Variants in BNIP3L observed in about 807,000 individuals in gnomAD.
BNIP3L encodes BCL2/adenovirus E1B 19 kDa protein-interacting protein 3-like.
A neutral mutation model predicts 25.5 loss-of-function variants in BNIP3L; 10 were observed. The ratio of observed to expected loss-of-function variants is 0.39; its 90% CI spans 0.24 to 0.67. The LOEUF (loss-of-function observed/expected upper bound fraction) is 0.67, where lower values mean the gene tolerates loss of function less well. Among genes scored for constraint, BNIP3L ranks in the 30% least tolerant of loss-of-function variants. The probability of loss-of-function intolerance (pLI) is 0.45; values close to 1 mark genes in which losing one functional copy is unlikely to be tolerated. For synonymous variants in BNIP3L, 113 were observed against 101.2 expected (o/e 1.12, Z -0.70); for missense variants, 215 against 270.9 (o/e 0.79, Z 1.45).
At chr8:26,386,705 G>A (rs201968127) in intron 1 of BNIP3L, among the ~76,000 whole-genome samples, 1 of 152,042 alleles carries the variant, frequency 6.6e-6, no homozygotes, top group East Asian at 1.9e-4. Flanking sequence ...TGCCCAAGCT[G>A]GTCACAAACT....
At chr8:26,405,293 T>A (rs908959233) in intron 3 of BNIP3L, among the ~76,000 whole-genome samples, 1 of 152,236 alleles carries the variant, frequency 6.6e-6, no homozygotes, top group African/African-American at 2.4e-5. Context: ...AGTCAGATAT[T>A]GTGTGTACAG....
intron 3 of BNIP3L, among the ~76,000 whole-genome samples, chr8:26,404,101 C>G (rs1262261546): frequency 6.6e-6 from 1 of 152,168 alleles, no homozygotes; most frequent in East Asian, 1.9e-4. Flanking sequence ...GGGAATCTGC[C>G]TAAGGCAGTG....
At chr8:26,407,634 C>T (rs898432163) in intron 3 of BNIP3L, among the ~76,000 whole-genome samples, 2 of 152,082 alleles carry the variant, frequency 1.3e-5, no homozygotes, top group Non-Finnish European at 1.5e-5. Flanking sequence ...GGCCTAATTA[C>T]GAAAATTTTA....
rs1484634435 is a variant in BNIP3L at position 26,408,514 on chromosome 8, G to A, written c.611+138G>A. ...GCAAATAAGGTGAACTTAAAAAAGT[G>A]GGTGCACAATTGTTCTACAAATAAG... On this transcript the variant is annotated intron_variant, in intron 5 of 5. Coordinates refer to ENST00000380629, the MANE Select transcript of BNIP3L (RefSeq NM_004331.3). The A allele has an allele frequency of 8.8e-6, 9 of 1,022,734 alleles. No homozygotes were observed. The Admixed American group carries it at 2.2e-4, about 25-fold the overall frequency. The allele number at this position is 1,022,734 out of a possible 1,614,324, so 63.4% of individuals were successfully genotyped here.
intron 3 of BNIP3L, among the ~76,000 whole-genome samples, chr8:26,406,875 A>G (rs183107477): frequency 1.3e-5 from 2 of 151,736 alleles, no homozygotes; most frequent in East Asian, 3.9e-4. Flanking sequence ...TAAGTGCTCA[A>G]TAAATACTAT....
intron 1 of BNIP3L, among the ~76,000 whole-genome samples, chr8:26,385,011 C>T (rs767496433): frequency 2.0e-5 from 3 of 151,904 alleles, no homozygotes; most frequent in African/African-American, 4.8e-5. Flanking sequence ...AAACTCCTGA[C>T]CTCACGTCAT....
intron 1 of BNIP3L, among the ~76,000 whole-genome samples, chr8:26,389,696 C>T (rs1490132803): frequency 1.3e-5 from 2 of 152,074 alleles, no homozygotes; most frequent in East Asian, 1.9e-4. Flanking sequence ...GTCACAGCAC[C>T]CCGGTGTTAT....
At chr8:26,408,772 T>C (rs1806553115) in intron 5 of BNIP3L, among the ~76,000 whole-genome samples, 1 of 150,160 alleles carries the variant, frequency 6.7e-6, no homozygotes, top group South Asian at 2.1e-4. Context: ...CTTGGGAGGC[T>C]GAGGCAGGAG....
chr8:26,407,365 T>C (rs1163247786), intron 3 of BNIP3L, among the ~76,000 whole-genome samples: 3 of 151,956 alleles, frequency 2.0e-5, no homozygotes, highest in Non-Finnish European at 4.4e-5. Flanking sequence ...TTTTTGTATT[T>C]TTAGTAGACA....
intron 3 of BNIP3L, among the ~76,000 whole-genome samples, chr8:26,407,024 A>G (rs1806515347): frequency 6.8e-6 from 1 of 147,210 alleles, no homozygotes; most frequent in South Asian, 2.2e-4. Flanking sequence ...ATGGAATCTC[A>G]CTCTATCACC....
At chr8:26,393,033 G>A (rs755481292) in intron 2 of BNIP3L, among the ~76,000 whole-genome samples, 22 of 151,806 alleles carry the variant, frequency 1.4e-4, no homozygotes, top group African/African-American at 1.9e-4. Flanking sequence ...GAACACTTTC[G>A]TACCCCTCAT....
rs539127993 is a variant in BNIP3L at position 26,383,394 on chromosome 8, C to T, written c.100+164C>T. Reference sequence around the variant, plus strand: ...TCCCGTCCCCTGTCAAGAGGAGGGGCGCCTGCCTTGCTCCGGGCCTCTCTG... The same window carrying T: ...TCCCGTCCCCTGTCAAGAGGAGGGGTGCCTGCCTTGCTCCGGGCCTCTCTG... On this transcript the variant is annotated intron_variant, in intron 1 of 5. Transcript: ENST00000380629. The T allele has an allele frequency of 1.0e-5, 15 of 1,442,912 alleles. No individual in the cohort carries two copies. In the African/African-American group the frequency reaches 2.0e-4, roughly 19 times the overall value. The allele number at this position is 1,442,912 out of a possible 1,614,324, so 89.4% of individuals were successfully genotyped here.
intron 1 of BNIP3L, among the ~76,000 whole-genome samples, chr8:26,386,807 T>C (rs796699364): frequency 3.3e-5 from 5 of 152,354 alleles, no homozygotes; most frequent in African/African-American, 1.2e-4. Flanking sequence ...TGTCACTGCC[T>C]CATAATAATG....
chr8:26,401,673 CT>C (rs961827691), intron 3 of BNIP3L, among the ~76,000 whole-genome samples: 2 of 147,248 alleles, frequency 1.4e-5, no homozygotes, highest in East Asian at 4.0e-4. Flanking sequence ...GACATGAAGA[CT>C]TTTTTTTGCA....
intron 3 of BNIP3L, among the ~76,000 whole-genome samples, chr8:26,407,014 A>G (rs1303512157): frequency 1.5e-5 from 2 of 137,642 alleles, no homozygotes; most frequent in Non-Finnish European, 1.5e-5. Context: ...TTTTGTTGAG[A>G]TGGAATCTCA....
chr8:26,398,596 T>A (rs1262035788), intron 3 of BNIP3L, among the ~76,000 whole-genome samples: 2 of 134,094 alleles, frequency 1.5e-5, no homozygotes, highest in African/African-American at 5.7e-5. Context: ...ATTCAAAAGC[T>A]AGCAGAAGGC....
At chr8:26,387,658 T>C (rs1806020464) in intron 1 of BNIP3L, among the ~76,000 whole-genome samples, 1 of 152,228 alleles carries the variant, frequency 6.6e-6, no homozygotes. Flanking sequence ...CTCAAAAGAT[T>C]AATATGTAGC....
intron 1 of BNIP3L, among the ~76,000 whole-genome samples, chr8:26,389,282 A>G (rs1806056465): frequency 6.6e-6 from 1 of 152,188 alleles, no homozygotes; most frequent in African/African-American, 2.4e-5. Flanking sequence ...AACTGTTTTT[A>G]TATACATATT....
intron 5 of BNIP3L, among the ~76,000 whole-genome samples, chr8:26,408,645 G>A (rs12547096): frequency 0.025 from 3,777 of 152,244 alleles, 225 homozygotes; most frequent in Admixed American, 0.13. Context: ...GCCAAGATGG[G>A]TGGATGACCT....
Sources: allele counts gnomAD v4.1 joint callset (sites outside exome capture counted in the v4.1 genomes callset), GRCh38; gene constraint gnomAD v4.1.1; transcripts MANE v1.5; gene names NCBI Gene and HGNC (gene_info 2026-07-23, HGNC 2026-07-21).